Variants in CDKAL1 observed in about 807,000 individuals in gnomAD.
CDKAL1 encodes threonylcarbamoyladenosine tRNA methylthiotransferase.
CDKAL1 carries 32 observed loss-of-function variants against 68.2 expected under a neutral mutation model. That is an observed-to-expected ratio of 0.47 (90% CI 0.35 to 0.63). The LOEUF is 0.63. Among genes scored for constraint, CDKAL1 ranks in the 30% least tolerant of loss-of-function variants. CDKAL1 has a pLI of 0.00. For synonymous variants in CDKAL1, 234 were observed against 244.3 expected (o/e 0.96, Z 0.39); for missense variants, 606 against 696.7 (o/e 0.87, Z 1.47).
intron 8 of CDKAL1, among the ~76,000 whole-genome samples, chr6:20,791,108 G>C (rs1018131247): frequency 7.2e-5 from 11 of 152,124 alleles, no homozygotes; most frequent in African/African-American, 2.7e-4. Context: ...GTTTCACTGG[G>C]GACCCGACAC....
At chr6:20,762,751 T>A (rs997928075) in intron 7 of CDKAL1, among the ~76,000 whole-genome samples, 1 of 152,214 alleles carries the variant, frequency 6.6e-6, no homozygotes, top group Non-Finnish European at 1.5e-5. Context: ...CTCCTTAATA[T>A]AAGAACTGCT....
At chr6:20,917,662 T>C (rs1326989943) in intron 9 of CDKAL1, among the ~76,000 whole-genome samples, 1 of 152,140 alleles carries the variant, frequency 6.6e-6, no homozygotes, top group Admixed American at 6.6e-5. Context: ...TCCCACCCTT[T>C]CCCCTGAGTC....
At chr6:20,676,094 C>T (rs1029866452) in intron 5 of CDKAL1, among the ~76,000 whole-genome samples, 3 of 151,892 alleles carry the variant, frequency 2.0e-5, no homozygotes, top group Admixed American at 6.6e-5. Flanking sequence ...TTTTTGTACA[C>T]CTGAACAATT....
At chr6:20,943,239 G>A (rs934921683) in intron 9 of CDKAL1, among the ~76,000 whole-genome samples, 20 of 143,658 alleles carry the variant, frequency 1.4e-4, no homozygotes, top group African/African-American at 4.2e-4. Flanking sequence ...ACAAGAAGTC[G>A]TCTGTCACTC....
intron 12 of CDKAL1, among the ~76,000 whole-genome samples, chr6:21,065,600 T>C (rs1398263685): frequency 6.6e-6 from 1 of 151,924 alleles, no homozygotes; most frequent in East Asian, 1.9e-4. Context: ...GAGACTCTTT[T>C]CATAGTTTGT....
At chr6:20,918,412 A>G (rs968066328) in intron 9 of CDKAL1, among the ~76,000 whole-genome samples, 1 of 152,224 alleles carries the variant, frequency 6.6e-6, no homozygotes, top group African/African-American at 2.4e-5. Context: ...AAAAAAGAAA[A>G]TGAGAATCAT....
intron 8 of CDKAL1, among the ~76,000 whole-genome samples, chr6:20,789,182 A>G (rs570880182): frequency 3.3e-5 from 5 of 152,248 alleles, no homozygotes; most frequent in African/African-American, 9.6e-5. Context: ...TCTTTTGTCC[A>G]CAAACCAGTT....
chr6:21,149,729 A>G (rs939619878), intron 13 of CDKAL1, among the ~76,000 whole-genome samples: 2 of 152,232 alleles, frequency 1.3e-5, no homozygotes, highest in Non-Finnish European at 2.9e-5. Flanking sequence ...GAAGCCACAC[A>G]TAGATGCAAA....
chr6:21,080,864 T>C (rs1467720461), intron 12 of CDKAL1, among the ~76,000 whole-genome samples: 1 of 152,222 alleles, frequency 6.6e-6, no homozygotes, highest in Non-Finnish European at 1.5e-5. Flanking sequence ...AGATTGTTGG[T>C]ACTAAAAGCT....
chr6:21,152,613 G>T (rs1776465340), intron 13 of CDKAL1, among the ~76,000 whole-genome samples: 1 of 152,172 alleles, frequency 6.6e-6, no homozygotes, highest in Non-Finnish European at 1.5e-5. Context: ...GCTATTTCTG[G>T]AGCCTATGCT....
At chr6:21,162,851 C>T (rs1426729446) in intron 13 of CDKAL1, among the ~76,000 whole-genome samples, 4 of 151,982 alleles carry the variant, frequency 2.6e-5, no homozygotes, top group Non-Finnish European at 4.4e-5. Context: ...TCACTTGAGC[C>T]CAGGAGTTTG....
At chr6:20,967,703 C>G (rs189470956) in intron 10 of CDKAL1, among the ~76,000 whole-genome samples, 2 of 152,236 alleles carry the variant, frequency 1.3e-5, no homozygotes, top group Non-Finnish European at 2.9e-5. Flanking sequence ...GTTACATTTA[C>G]TGCTGCTCTT....
At chr6:20,561,792 C>G (rs1764278518) in intron 4 of CDKAL1, among the ~76,000 whole-genome samples, 3 of 151,968 alleles carry the variant, frequency 2.0e-5, no homozygotes, top group Admixed American at 2.0e-4. Context: ...TTCTTTTTAT[C>G]TTTAAGTTAG....
chr6:21,216,559 G>A (rs1159204986), intron 15 of CDKAL1, among the ~76,000 whole-genome samples: 1 of 152,174 alleles, frequency 6.6e-6, no homozygotes, highest in East Asian at 1.9e-4. Context: ...TTTAAGAAAG[G>A]TGTGGTGGAT....
chr6:20,850,522 C>T (rs1029282058), intron 9 of CDKAL1, among the ~76,000 whole-genome samples: 11 of 152,002 alleles, frequency 7.2e-5, no homozygotes, highest in African/African-American at 2.4e-4. Flanking sequence ...CTCACTGCAG[C>T]CTCCTCCTGG....
intron 7 of CDKAL1, among the ~76,000 whole-genome samples, chr6:20,770,477 A>G (rs771484116): frequency 1.3e-5 from 2 of 152,174 alleles, no homozygotes; most frequent in South Asian, 4.1e-4. Flanking sequence ...AATCCTAGTT[A>G]TGTATTTAGG....
intron 9 of CDKAL1, among the ~76,000 whole-genome samples, chr6:20,941,038 G>C (rs1763947694): frequency 1.3e-5 from 2 of 150,834 alleles, no homozygotes; most frequent in South Asian, 4.2e-4. Flanking sequence ...AGTGAGCCAA[G>C]AATGCGCCAC....
intron 9 of CDKAL1, among the ~76,000 whole-genome samples, chr6:20,939,244 C>G (rs570888710): frequency 6.6e-6 from 1 of 152,230 alleles, no homozygotes; most frequent in African/African-American, 2.4e-5. Context: ...CCACTTTTTT[C>G]TGTCTGTTCC....
chr6:20,558,884 C>T (rs556697161), intron 4 of CDKAL1: 7 of 297,944 alleles, frequency 2.3e-5, no homozygotes, highest in African/African-American at 1.3e-4. Context: ...CTGCCTCGGC[C>T]TCCCAAAGTG....
Sources: gnomAD v4.1 joint callset for allele counts (sites outside exome capture counted in the v4.1 genomes callset) on GRCh38, gnomAD v4.1.1 for gene constraint, MANE v1.5 for transcripts, NCBI Gene and HGNC (gene_info 2026-07-23, HGNC 2026-07-21) for gene names.